The following ERC2 variants were observed in gnomAD, a reference collection of about 807,000 sequenced individuals.
The protein encoded by ERC2 is ERC protein 2.
ERC2 carries 42 observed loss-of-function variants against 114.8 expected under a neutral mutation model. The ratio of observed to expected loss-of-function variants is 0.37; its 90% CI spans 0.29 to 0.47. The LOEUF (loss-of-function observed/expected upper bound fraction) is 0.47, where lower values mean the gene tolerates loss of function less well. ERC2 is among the 20% of genes least tolerant of loss of function. The pLI is 0.99. For missense variants in ERC2, 939 were observed against 1,150.7 expected (o/e 0.82, Z 2.66); for synonymous variants, 454 against 425.5 (o/e 1.07, Z -0.82).
chr3:56,375,013 G>A (rs1301029694), intron 2 of ERC2, among the ~76,000 whole-genome samples: 1 of 152,102 alleles, frequency 6.6e-6, no homozygotes, highest in Non-Finnish European at 1.5e-5. Flanking sequence ...ATACTTCTTT[G>A]AGATGGATGA....
intron 14 of ERC2, 31 bp downstream of exon 14, chr3:55,888,358 A>T (rs2149319158): frequency 6.2e-7 from 1 of 1,612,350 alleles, no homozygotes; most frequent in East Asian, 2.2e-5. Context: ...GCTAGAAGAG[A>T]GAGGCTACCA....
chr3:56,371,889 A>G (rs752346860), intron 2 of ERC2, among the ~76,000 whole-genome samples: 2 of 152,206 alleles, frequency 1.3e-5, no homozygotes, highest in Non-Finnish European at 2.9e-5. Flanking sequence ...ACTGACATAC[A>G]AATATTACCA....
At chr3:55,915,475 CTG>C (rs1339387915) in intron 13 of ERC2, among the ~76,000 whole-genome samples, 2 of 152,218 alleles carry the variant, frequency 1.3e-5, no homozygotes, top group African/African-American at 2.4e-5. Flanking sequence ...AAAGAAATGG[CTG>C]TGTTTTTAAT....
At chr3:56,097,263 C>T (rs1310794446) in intron 6 of ERC2, among the ~76,000 whole-genome samples, 1 of 152,034 alleles carries the variant, frequency 6.6e-6, no homozygotes, top group Non-Finnish European at 1.5e-5. Flanking sequence ...GTAAAGAAGA[C>T]AATCACTATA....
chr3:56,080,256 C>G (rs746008620), intron 7 of ERC2, among the ~76,000 whole-genome samples: 4 of 152,066 alleles, frequency 2.6e-5, no homozygotes, highest in African/African-American at 7.2e-5. Context: ...AGGGAGAAAT[C>G]GAGCTGCTAA....
intron 17 of ERC2, among the ~76,000 whole-genome samples, chr3:55,551,056 CCT>C (rs1455319357): frequency 6.6e-6 from 1 of 151,248 alleles, no homozygotes; most frequent in Non-Finnish European, 1.5e-5. Context: ...ACATGATAAG[CCT>C]CTGTGTTAGC....
rs538513561 is a variant in ERC2, at chr3:55,990,415, TAC to T, written c.2255+1640_2255+1641del. On this transcript the variant is annotated intron_variant, in intron 11 of 17. Coordinates refer to ENST00000288221, the MANE Select transcript of ERC2 (RefSeq NM_015576.3). The stretch of plus-strand genomic sequence containing the variant: ...ATTGGAAATTAACCTACTTGTTTAA[TAC>T]AGAGACAAAGTTGAGATTTTTTTTT... Among the ~76,000 whole-genome samples, 14 of 152,298 alleles carry T rather than the reference TAC, an allele frequency of 9.2e-5. No homozygotes were observed. In the East Asian group the frequency reaches 2.7e-3, roughly 29 times the overall value.
At chr3:55,941,479 C>T (rs962491437) in intron 13 of ERC2, among the ~76,000 whole-genome samples, 6 of 152,174 alleles carry the variant, frequency 3.9e-5, no homozygotes, top group South Asian at 2.1e-4. Context: ...GGGACTGCTA[C>T]GGCCTTTGCT....
intron 2 of ERC2, among the ~76,000 whole-genome samples, chr3:56,388,155 A>T (rs180723463): frequency 1.6e-4 from 24 of 152,294 alleles, no homozygotes; most frequent in African/African-American, 5.3e-4. Context: ...ATGGTGATAC[A>T]GTTTGGATGT....
intron 3 of ERC2, among the ~76,000 whole-genome samples, chr3:56,249,742 G>C (rs1009827809): frequency 1.3e-5 from 2 of 152,006 alleles, no homozygotes; most frequent in Non-Finnish European, 2.9e-5. Flanking sequence ...CATGTAAAAT[G>C]CTAGGCACAA....
chr3:55,715,922 T>C (rs2064094852), intron 15 of ERC2, among the ~76,000 whole-genome samples: 1 of 152,118 alleles, frequency 6.6e-6, no homozygotes, highest in African/African-American at 2.4e-5. Context: ...GGGGATGCAT[T>C]AATGAAAGAC....
At chr3:56,084,061 C>T (rs191438671) in intron 6 of ERC2, among the ~76,000 whole-genome samples, 313 of 151,756 alleles carry the variant, frequency 2.1e-3, no homozygotes, top group Non-Finnish European at 3.7e-3. Context: ...TACAAGAATG[C>T]CATAAGAAAC....
chr3:56,114,867 C>A (rs1254890529), intron 6 of ERC2, among the ~76,000 whole-genome samples: 1 of 152,160 alleles, frequency 6.6e-6, no homozygotes, highest in Non-Finnish European at 1.5e-5. Flanking sequence ...TAGCCCCTCC[C>A]TGAAACAAAG....
chr3:55,865,823 G>C (rs142399732), intron 14 of ERC2, among the ~76,000 whole-genome samples: 2 of 152,054 alleles, frequency 1.3e-5, no homozygotes, highest in Non-Finnish European at 2.9e-5. Flanking sequence ...GCATTGTATG[G>C]ATGTACCATC....
At chr3:55,784,202 A>T (rs953309364) in intron 14 of ERC2, among the ~76,000 whole-genome samples, 21 of 151,312 alleles carry the variant, frequency 1.4e-4, no homozygotes, top group African/African-American at 5.1e-4. Context: ...GCTTTACAAA[A>T]CCTCAATTTG....
At chr3:56,067,453 G>A (rs1020754553) in intron 7 of ERC2, among the ~76,000 whole-genome samples, 4 of 152,160 alleles carry the variant, frequency 2.6e-5, no homozygotes. Flanking sequence ...TTTGAGCTGA[G>A]ACGATGGGGT....
At chr3:55,683,517 C>T (rs931642212) in intron 17 of ERC2, among the ~76,000 whole-genome samples, 2 of 152,122 alleles carry the variant, frequency 1.3e-5, no homozygotes, top group African/African-American at 4.8e-5. Flanking sequence ...CTAGTAAGGG[C>T]ACAGTTTACA....
chr3:56,020,835 A>G (rs1413253438), intron 7 of ERC2, among the ~76,000 whole-genome samples: 4 of 152,206 alleles, frequency 2.6e-5, no homozygotes, highest in African/African-American at 9.6e-5. Flanking sequence ...CACGAGAAAT[A>G]GAGACCAAAG....
At chr3:56,346,972 G>T (rs1462505414) in intron 2 of ERC2, among the ~76,000 whole-genome samples, 1 of 152,076 alleles carries the variant, frequency 6.6e-6, no homozygotes, top group Non-Finnish European at 1.5e-5. Flanking sequence ...TCTTCCATTA[G>T]GCCCTACCTC....
Sources: gnomAD v4.1 joint callset for allele counts (sites outside exome capture counted in the v4.1 genomes callset) on GRCh38, gnomAD v4.1.1 for gene constraint, MANE v1.5 for transcripts, NCBI Gene and HGNC (gene_info 2026-07-23, HGNC 2026-07-21) for gene names.